Variants in WWP1 observed in about 807,000 individuals in gnomAD.
WWP1 encodes the protein WW domain containing E3 ubiquitin protein ligase 1, also known as NEDD4-like E3 ubiquitin-protein ligase WWP1.
WWP1 carries 49 observed loss-of-function variants against 130.6 expected under a neutral mutation model. The observed-to-expected ratio is 0.38, with a 90% CI of 0.30 to 0.48. The LOEUF (loss-of-function observed/expected upper bound fraction) is 0.48. WWP1 is among the 20% of genes least tolerant of loss of function. The probability of loss-of-function intolerance (pLI) is 0.99; values close to 1 mark genes in which losing one functional copy is unlikely to be tolerated. For missense variants in WWP1, 809 were observed against 1,100.6 expected (o/e 0.74, Z 3.75); for synonymous variants, 332 against 367.8 (o/e 0.90, Z 1.11).
chr8:86,372,013 T>C (rs1824324895), intron 2 of WWP1, among the ~76,000 whole-genome samples: 2 of 136,936 alleles, frequency 1.5e-5, no homozygotes, highest in African/African-American at 5.9e-5. Flanking sequence ...TGGCTAATTT[T>C]TGTATTTTTT....
chr8:86,351,778 A>G (rs1822941067), intron 1 of WWP1, among the ~76,000 whole-genome samples: 1 of 152,174 alleles, frequency 6.6e-6, no homozygotes, highest in South Asian at 2.1e-4. Context: ...GAAATATTGT[A>G]TTGACCAGTG....
chr8:86,464,399 TTA>T (rs1484353691), intron 24 of WWP1, among the ~76,000 whole-genome samples: 1 of 152,224 alleles, frequency 6.6e-6, no homozygotes, highest in Non-Finnish European at 1.5e-5. Context: ...CATTAAAATG[TTA>T]TGTTTATTTT....
intron 1 of WWP1, among the ~76,000 whole-genome samples, chr8:86,348,604 G>T (rs541867705): frequency 6.6e-6 from 1 of 152,230 alleles, no homozygotes; most frequent in Non-Finnish European, 1.5e-5. Flanking sequence ...GGTGCTGGGA[G>T]TACAGTGTTG....
intron 24 of WWP1, among the ~76,000 whole-genome samples, chr8:86,466,488 G>C (rs13261901): frequency 0.27 from 41,054 of 151,502 alleles, 6,413 homozygotes; most frequent in East Asian, 0.54. Context: ...CCTAAGAGAA[G>C]TTAAGAGGAC....
In WWP1 at chr8:86,374,083, T is replaced by C. The variant is rs2130314328; in HGVS notation, c.33T>C (p.Ser11=). The change falls in exon 3 of 25, where the codon AGT becomes AGC. Residue 11 remains serine, a synonymous_variant. Coordinates refer to ENST00000517970, the MANE Select transcript of WWP1 (RefSeq NM_007013.4). MATASPRSDT[S]NNHSGRLQLQ... ...CTGCTTCACCAAGGTCTGATACTAG[T>C]AATAACCACAGTGGAAGGTTGCAGT... 2 of 1,611,028 alleles carry C rather than the reference T, an allele frequency of 1.2e-6. No individual in the cohort carries two copies. Among genetic ancestry groups the C allele is most frequent in the East Asian group, 4.5e-5 (2 of 44,574 alleles).
chr8:86,431,020 ATATATATGTATAT>A (rs199830853), intron 12 of WWP1, among the ~76,000 whole-genome samples: 7,128 of 137,132 alleles, frequency 0.052, 286 homozygotes, highest in Non-Finnish European at 0.084. Context: ...ATTATAAGGG[ATATATATGTATAT>A]TATATATGTA....
intron 8 of WWP1, among the ~76,000 whole-genome samples, chr8:86,407,411 C>A (rs572986974): frequency 1.1e-4 from 17 of 152,250 alleles, no homozygotes; most frequent in Admixed American, 7.8e-4. Flanking sequence ...CCAGGTAATT[C>A]TTTGTTGTAG....
intron 24 of WWP1, among the ~76,000 whole-genome samples, chr8:86,464,292 CAT>C (rs1156312868): frequency 5.3e-5 from 8 of 152,092 alleles, no homozygotes; most frequent in African/African-American, 9.6e-5. Context: ...TATCAAAATC[CAT>C]ATGTTTTCTA....
chr8:86,350,683 C>T (rs1822868940), intron 1 of WWP1, among the ~76,000 whole-genome samples: 1 of 152,122 alleles, frequency 6.6e-6, no homozygotes. Flanking sequence ...AATATCCTAG[C>T]ATTAACAGAA....
Position 86,384,115 on chromosome 8 carries a change from C to G in WWP1, c.334+2486C>G, listed in dbSNP as rs1251133147. Among the ~76,000 whole-genome samples the G allele has an allele frequency of 3.3e-5, 5 of 152,212 alleles. No individual in the cohort carries two copies. In the South Asian group the frequency reaches 1.0e-3, roughly 32 times the overall value. ...ATATGTGTCTGCGTCCAAATTTCCC[C>G]TTATCAGGACACCAGTCATTGGATT... On this transcript the variant is annotated intron_variant, in intron 5 of 24. Coordinates refer to ENST00000517970, the MANE Select transcript of WWP1 (RefSeq NM_007013.4).
intron 8 of WWP1, 106 bp downstream of exon 8, chr8:86,402,309 G>A (rs988794831): frequency 4.5e-6 from 6 of 1,342,482 alleles, no homozygotes; most frequent in Admixed American, 5.2e-5. Flanking sequence ...TTTTTGAGAC[G>A]GAGTCTCGCT....
At chr8:86,381,682 T>C (rs1338757259) in intron 5 of WWP1, 53 bp downstream of exon 5, 4 of 1,479,128 alleles carry the variant, frequency 2.7e-6, no homozygotes, top group Non-Finnish European at 3.6e-6. Context: ...TTAGACACTT[T>C]GAACATATCC....
chr8:86,461,128 C>A, intron 22 of WWP1, 96 bp from the exon 23 acceptor site: 5 of 1,149,974 alleles, frequency 4.3e-6, no homozygotes, highest in Non-Finnish European at 6.3e-6. Context: ...TCTTTTGAAC[C>A]AATTCAGTGT....
chr8:86,356,058 A>G (rs1013900179), intron 1 of WWP1, among the ~76,000 whole-genome samples: 3 of 152,182 alleles, frequency 2.0e-5, no homozygotes, highest in Non-Finnish European at 2.9e-5. Flanking sequence ...ATAATTGATA[A>G]TGTTAGAGAT....
intron 1 of WWP1, among the ~76,000 whole-genome samples, chr8:86,367,085 A>G (rs1824016667): frequency 6.6e-6 from 1 of 152,152 alleles, no homozygotes; most frequent in Non-Finnish European, 1.5e-5. Flanking sequence ...AGGCTTTCTA[A>G]CCTTTTAGGT....
chr8:86,444,789 CAT>C (rs1224210345), intron 18 of WWP1, among the ~76,000 whole-genome samples: 1 of 152,056 alleles, frequency 6.6e-6, no homozygotes, highest in South Asian at 2.1e-4. Context: ...AACAAGGAAT[CAT>C]AGAGAATTGG....
intron 18 of WWP1, among the ~76,000 whole-genome samples, chr8:86,445,987 T>C (rs1170740191): frequency 1.5e-5 from 2 of 135,894 alleles, no homozygotes; most frequent in Admixed American, 7.5e-5. Context: ...TTTTTTTTTT[T>C]TTTTTTTTTT....
In WWP1 at chr8:86,342,922, T is replaced by C. The variant is rs1277762643; in HGVS notation, c.-123T>C. 1 of 174,340 alleles carries C rather than the reference T, an allele frequency of 5.7e-6. No individual in the cohort carries two copies. The highest frequency in any genetic ancestry group is 2.5e-5 in the African/African-American group (1 of 39,546). 10.8% of individuals were successfully genotyped at this position (174,340 alleles called of 1,614,324 possible). On this transcript the variant is annotated 5_prime_UTR_variant, in exon 1 of 25. Coordinates refer to ENST00000517970, the MANE Select transcript of WWP1 (RefSeq NM_007013.4). ...GCCCGGCTGCCGGGAGCCGACAGCT[T>C]CGCGCCGGGTAAGGACGGCGCGGCG...
intron 5 of WWP1, among the ~76,000 whole-genome samples, chr8:86,393,126 G>C (rs1807449576): frequency 6.6e-6 from 1 of 151,820 alleles, no homozygotes; most frequent in Non-Finnish European, 1.5e-5. Context: ...TTATTGGTTT[G>C]TTTAGTTTTT....
Sources: gnomAD v4.1 joint callset for allele counts (sites outside exome capture counted in the v4.1 genomes callset) on GRCh38, gnomAD v4.1.1 for gene constraint, MANE v1.5 for transcripts, NCBI Gene and HGNC (gene_info 2026-07-23, HGNC 2026-07-21) for gene names.